Variants in CRACD observed in about 807,000 individuals in gnomAD.
CRACD encodes capping protein-inhibiting regulator of actin dynamics.
CRACD carries 56 observed loss-of-function variants against 106.8 expected under a neutral mutation model. That is an observed-to-expected ratio of 0.52 (90% CI 0.42 to 0.66). CRACD has a LOEUF of 0.66. Among genes scored for constraint, CRACD ranks in the 30% least tolerant of loss-of-function variants. CRACD has a pLI of 0.00. For synonymous variants in CRACD, 754 were observed against 670.8 expected, an observed-to-expected ratio of 1.12 and a Z score of -1.92; for missense variants, 1,730 against 1,623.2, an observed-to-expected ratio of 1.07 and a Z score of -1.13.
In CRACD at chr4:56,164,424, G is replaced by A. The variant is rs146907645; in HGVS notation, c.-335-14860G>A. The stretch of plus-strand genomic sequence containing the variant: ...GCTGGGATTACAGGCGTGAGCCACC[G>A]CACCTGGCCCAGGAGATAATTTTTT... On this transcript the variant is annotated intron_variant, in intron 1 of 10. Coordinates refer to ENST00000682029, the MANE Select transcript of CRACD (RefSeq NM_001393381.1). Among the ~76,000 whole-genome samples the A allele has an allele frequency of 1.4e-3, 213 of 152,222 alleles. 1 individual carries two copies. The highest frequency in any genetic ancestry group is 2.5e-3 in the Non-Finnish European group (171 of 68,010).
At chr4:56,307,847 TGTCCTGACCTGTA>T (rs1156323082) in intron 5 of CRACD, 148 bp downstream of exon 5, 1 of 713,976 alleles carries the variant, frequency 1.4e-6, no homozygotes, top group Non-Finnish European at 2.3e-6. Context: ...TCCTGGTAGG[TGTCCTGACCTGTA>T]GCCAGTGAAG....
chr4:56,214,595 GAA>G (rs1273948826), intron 2 of CRACD, among the ~76,000 whole-genome samples: 1 of 137,492 alleles, frequency 7.3e-6, no homozygotes. Context: ...GTCTCAAGGA[GAA>G]AAAAAAAAGA....
At chr4:56,292,932 A>T (rs2109705591) in intron 3 of CRACD, among the ~76,000 whole-genome samples, 1 of 152,332 alleles carries the variant, frequency 6.6e-6, no homozygotes, top group Middle Eastern at 3.4e-3. Flanking sequence ...CCTAAAGGTG[A>T]CCTAGATGTT....
intron 3 of CRACD, among the ~76,000 whole-genome samples, chr4:56,279,856 C>T (rs547721933): frequency 1.9e-3 from 282 of 152,140 alleles, no homozygotes; most frequent in Non-Finnish European, 3.5e-3. Flanking sequence ...ATGTTTATTG[C>T]GGCACTATTC....
Position 56,315,480 on chromosome 4 carries a change from AGCAGCGCGTCCGCACTC to A in CRACD, c.1983_1999del (p.Ser661ArgfsTer16), listed in dbSNP as rs1329229846. 6.2e-7 allele frequency: 1 copy of A among 1,613,092 alleles called. No homozygotes were observed. The highest frequency in any genetic ancestry group is 1.3e-5 in the African/African-American group (1 of 74,942). On this transcript the variant is annotated frameshift_variant, in exon 8 of 11. Coordinates refer to ENST00000682029, the MANE Select transcript of CRACD (RefSeq NM_001393381.1). LOFTEE classifies it high-confidence loss of function. This position sits in a 1 kb window ranked among gnomAD's most constrained non-coding sequence, Gnocchi z 4.1. ...GGCTAAGCCCCGCCAGGAGTCTCCC[AGCAGCGCGTCCGCACTC>A]GCAGAATGGGCTTCCATTCGGTCCA...
chr4:56,228,581 TTAACA>T (rs1739438432), intron 2 of CRACD, among the ~76,000 whole-genome samples: 1 of 146,716 alleles, frequency 6.8e-6, no homozygotes, highest in South Asian at 2.2e-4. Flanking sequence ...ACCAGCCTGG[TTAACA>T]TAACGAGACA....
rs1461179412 is a variant in CRACD at position 56,076,166 on chromosome 4, A to T, written c.-336+26867A>T. Among the ~76,000 whole-genome samples, 3 of 152,148 alleles carry T rather than the reference A, an allele frequency of 2.0e-5. No homozygotes were observed. The East Asian group carries it at 5.8e-4, about 29-fold the overall frequency. The stretch of plus-strand genomic sequence containing the variant: ...TATAACTTGTTTCCTTATAAGAGGA[A>T]ATTTGGACACAGACACACACAGAGG... On this transcript the variant is annotated intron_variant, in intron 1 of 10. Transcript: ENST00000682029.
chr4:56,221,185 T>C (rs1371946929), intron 2 of CRACD, among the ~76,000 whole-genome samples: 1 of 152,104 alleles, frequency 6.6e-6, no homozygotes, highest in Non-Finnish European at 1.5e-5. Context: ...GATCCGCATT[T>C]TAGAATGATC....
intron 2 of CRACD, among the ~76,000 whole-genome samples, chr4:56,184,806 T>G (rs1577720582): frequency 1.3e-5 from 2 of 152,302 alleles, no homozygotes; most frequent in South Asian, 4.1e-4. Context: ...GGAAACAAGA[T>G]CCTCCTTTTT....
chr4:56,071,878 A>T (rs1433809876), intron 1 of CRACD, among the ~76,000 whole-genome samples: 1 of 151,444 alleles, frequency 6.6e-6, no homozygotes, highest in Non-Finnish European at 1.5e-5. Context: ...CTGTAATCCC[A>T]GCACTTTGGG....
intron 1 of CRACD, among the ~76,000 whole-genome samples, chr4:56,086,386 TC>T (rs201804945): frequency 0.012 from 1,879 of 152,226 alleles, 50 homozygotes; most frequent in African/African-American, 0.042. Context: ...CAAGCAATCC[TC>T]CTACCTCAGG....
intron 1 of CRACD, among the ~76,000 whole-genome samples, chr4:56,117,531 G>A (rs913429235): frequency 2.0e-5 from 3 of 151,702 alleles, no homozygotes; most frequent in Non-Finnish European, 2.9e-5. Flanking sequence ...GTGGGGGGAG[G>A]AAAATGGGGA....
intron 1 of CRACD, among the ~76,000 whole-genome samples, chr4:56,165,210 T>TA (rs139712170): frequency 0.027 from 4,135 of 152,304 alleles, 167 homozygotes; most frequent in African/African-American, 0.084. Context: ...GCAGACACAT[T>TA]ACTGCCTTCA....
chr4:56,154,202 A>G (rs961374474), intron 1 of CRACD, among the ~76,000 whole-genome samples: 11 of 152,152 alleles, frequency 7.2e-5, no homozygotes, highest in African/African-American at 2.4e-4. Flanking sequence ...ATGGTGGCGC[A>G]TGCCTGTAAT....
chr4:56,166,675 C>CAAAAAAAAAAA (rs35537364), intron 1 of CRACD, among the ~76,000 whole-genome samples: 2 of 92,752 alleles, frequency 2.2e-5, no homozygotes, highest in African/African-American at 9.0e-5. Context: ...CACTCTGTCT[C>CAAAAAAAAAAA]AAAAAAAAAA....
At chr4:56,257,810 G>A (rs548158691) in intron 2 of CRACD, among the ~76,000 whole-genome samples, 4 of 152,176 alleles carry the variant, frequency 2.6e-5, no homozygotes, top group Admixed American at 6.5e-5. Flanking sequence ...GGTGGCTCAC[G>A]CCTGTAATCC....
intron 1 of CRACD, among the ~76,000 whole-genome samples, chr4:56,166,324 A>C (rs1736142851): frequency 6.6e-6 from 1 of 152,228 alleles, no homozygotes; most frequent in Admixed American, 6.5e-5. Context: ...GCTATTTTAA[A>C]AAATGAATAC....
At chr4:56,166,786 AT>A (rs1029798587) in intron 1 of CRACD, among the ~76,000 whole-genome samples, 8 of 152,116 alleles carry the variant, frequency 5.3e-5, no homozygotes, top group East Asian at 1.9e-4. Flanking sequence ...AGCTGTAAAA[AT>A]TTTTTTTAAA....
chr4:56,089,659 A>G (rs1733350663), intron 1 of CRACD, among the ~76,000 whole-genome samples: 1 of 151,988 alleles, frequency 6.6e-6, no homozygotes, highest in Non-Finnish European at 1.5e-5. Context: ...GATTACAGGC[A>G]TGGGCCACCA....
Sources: gnomAD v4.1 joint callset for allele counts (sites outside exome capture counted in the v4.1 genomes callset) on GRCh38, gnomAD v4.1.1 for gene constraint, Gnocchi (gnomAD v3.1) non-coding constraint, MANE v1.5 for transcripts, NCBI Gene and HGNC (gene_info 2026-07-23, HGNC 2026-07-21) for gene names.